Variants in ATXN3 observed in about 807,000 individuals in gnomAD.
ATXN3 encodes ataxin-3.
Under a neutral mutation model 58.2 loss-of-function variants are expected in ATXN3, and 28 were observed. The ratio of observed to expected loss-of-function variants is 0.48; its 90% CI spans 0.36 to 0.66. The LOEUF (loss-of-function observed/expected upper bound fraction) is 0.66. ATXN3 is among the 30% of genes least tolerant of loss of function. The probability of loss-of-function intolerance (pLI) is 0.00; values close to 1 mark genes in which losing one functional copy is unlikely to be tolerated. For missense variants in ATXN3, 321 were observed against 422.1 expected (o/e 0.76, Z 2.10); for synonymous variants, 113 against 138.5 (o/e 0.82, Z 1.29).
chr14:92,063,360 T>C lies in ATXN3; in HGVS notation c.*960A>G, dbSNP rs2057912240. 1 of 152,170 alleles carries C rather than the reference T, an allele frequency of 6.6e-6. No homozygotes were observed. Among genetic ancestry groups the C allele is most frequent in the African/African-American group, 2.4e-5 (1 of 41,440 alleles). 9.4% of individuals were successfully genotyped at this position (152,170 alleles called of 1,614,324 possible). The stretch of plus-strand genomic sequence containing the variant: ...AAATAAAATAAAACTGCTATTAAAA[T>C]TGAAGGCCAAATTTCATGTATCATA... On this transcript the variant is annotated 3_prime_UTR_variant, in exon 11 of 11. Coordinates refer to ENST00000644486, the MANE Select transcript of ATXN3 (RefSeq NM_004993.6).
At chr14:92,081,387 C>T (rs1211009537) in intron 8 of ATXN3, among the ~76,000 whole-genome samples, 4 of 146,426 alleles carry the variant, frequency 2.7e-5, no homozygotes, top group Non-Finnish European at 6.0e-5. Flanking sequence ...GCAGGAGAAT[C>T]GCTTGAACCT....
In ATXN3 at chr14:92,075,348, G is replaced by A. The variant is rs555401909; in HGVS notation, c.873-4295C>T. On this transcript the variant is annotated intron_variant, in intron 9 of 10. Coordinates refer to ENST00000644486, the MANE Select transcript of ATXN3 (RefSeq NM_004993.6). ...CTCGGCTAATTTTTTTGTATTTTTAGTAGAGAAGAGGTTTCGCCATGTTGG... is the reference window on the plus strand; with the variant it reads ...CTCGGCTAATTTTTTTGTATTTTTAATAGAGAAGAGGTTTCGCCATGTTGG... Among the ~76,000 whole-genome samples the A allele has an allele frequency of 6.6e-5, 10 of 152,132 alleles. No homozygotes were observed. In the South Asian group the frequency reaches 1.0e-3, roughly 16 times the overall value.
intron 1 of ATXN3, among the ~76,000 whole-genome samples, chr14:92,097,656 G>A (rs967842472): frequency 6.6e-6 from 1 of 151,710 alleles, no homozygotes; most frequent in Non-Finnish European, 1.5e-5. Flanking sequence ...CTACCAAGTA[G>A]CTGCGACTAC....
intron 5 of ATXN3, among the ~76,000 whole-genome samples, chr14:92,092,224 T>C (rs1301563254): frequency 2.6e-5 from 4 of 152,170 alleles, no homozygotes; most frequent in South Asian, 4.1e-4. Flanking sequence ...ATACAGCAGG[T>C]AGTATTTTGT....
rs1595436423 is a variant in ATXN3, at chr14:92,059,605, G to A, written c.*4715C>T. 2 of 152,252 alleles carry A rather than the reference G, an allele frequency of 1.3e-5. No homozygotes were observed. The highest frequency in any genetic ancestry group is 2.9e-5 in the Non-Finnish European group (2 of 68,074). 9.4% of individuals were successfully genotyped at this position (152,252 alleles called of 1,614,324 possible). On this transcript the variant is annotated 3_prime_UTR_variant, in exon 11 of 11. Coordinates refer to ENST00000644486, the MANE Select transcript of ATXN3 (RefSeq NM_004993.6). Reference sequence around the variant, plus strand: ...GGAGGCCAAGGCAGGCAGATCACCTGAGGTCAGGAGTTTGAGACCAGCCTA... The same window carrying A: ...GGAGGCCAAGGCAGGCAGATCACCTAAGGTCAGGAGTTTGAGACCAGCCTA...
chr14:92,070,225 T>C (rs924971425), intron 10 of ATXN3, among the ~76,000 whole-genome samples: 5 of 152,194 alleles, frequency 3.3e-5, no homozygotes, highest in African/African-American at 1.2e-4. Context: ...TTATTTAGAT[T>C]ATACTCAAGT....
intron 10 of ATXN3, chr14:92,070,649 T>G: frequency 1.3e-6 from 1 of 789,308 alleles, no homozygotes; most frequent in Non-Finnish European, 1.9e-6. Flanking sequence ...AAGTTTAAAT[T>G]ATTATGTTAA....
rs150738718 is a variant in ATXN3 at position 92,083,191 on chromosome 14, A to C, written c.543T>G (p.Ile181Met). 1 of 1,613,958 alleles carries C rather than the reference A, an allele frequency of 6.2e-7. No homozygotes were observed. The change falls in exon 7 of 11, where the codon ATT becomes ATG. Residue 181 changes from isoleucine (I) to methionine (M), a missense_variant. Transcript: ENST00000644486. ...DCEADQLLQM[I>M]RVQQMHRPKL... is the part of the protein sequence containing the mutation. ...TTGGTCGATGCATCTGTTGGACCCT[A>C]ATCATCTGCAGGAGTTGGTCAGCTT...
At chr14:92,094,090 A>C (rs1293347361) in intron 3 of ATXN3, among the ~76,000 whole-genome samples, 1 of 151,732 alleles carries the variant, frequency 6.6e-6, no homozygotes. Context: ...TTACAAGCAC[A>C]CGCCACCACA....
intron 5 of ATXN3, among the ~76,000 whole-genome samples, chr14:92,092,605 A>G (rs1170887496): frequency 6.6e-6 from 1 of 152,198 alleles, no homozygotes; most frequent in Admixed American, 6.5e-5. Context: ...TAACTGACAG[A>G]ACATAGTCAT....
rs1167895556 is a variant in ATXN3 at position 92,062,666 on chromosome 14, A to T, written c.*1654T>A. 1 of 152,376 alleles carries T rather than the reference A, an allele frequency of 6.6e-6. No homozygotes were observed. Among genetic ancestry groups the T allele is most frequent in the African/African-American group, 2.4e-5 (1 of 41,468 alleles). The allele number at this position is 152,376 out of a possible 1,614,324, so 9.4% of individuals were successfully genotyped here. A position where few individuals can be genotyped will look rare whatever the true frequency, so the allele number is the denominator to read the frequency against. On this transcript the variant is annotated 3_prime_UTR_variant, in exon 11 of 11. Coordinates refer to ENST00000644486, the MANE Select transcript of ATXN3 (RefSeq NM_004993.6). ...AAACTTTAGATTTTAAAATAAAGCTATCCTTTTGTGTAAGGGAAACTTCAG... is the reference window on the plus strand; with the variant it reads ...AAACTTTAGATTTTAAAATAAAGCTTTCCTTTTGTGTAAGGGAAACTTCAG...
intron 1 of ATXN3, among the ~76,000 whole-genome samples, chr14:92,097,921 C>G (rs1352183999): frequency 3.9e-5 from 6 of 152,158 alleles, no homozygotes; most frequent in African/African-American, 7.2e-5. Context: ...ATTTATTTTA[C>G]AAATCTACCA....
chr14:92,088,218 G>A (rs564203964), intron 6 of ATXN3, among the ~76,000 whole-genome samples: 15 of 152,100 alleles, frequency 9.9e-5, no homozygotes, highest in South Asian at 4.2e-4. Context: ...ACAGGCGTCC[G>A]CCACCACACC....
At chr14:92,064,542 A>G (rs999750333) in intron 10 of ATXN3, 128 bp from the exon 11 acceptor site, 11 of 668,376 alleles carry the variant, frequency 1.6e-5, no homozygotes, top group Non-Finnish European at 2.9e-5. Flanking sequence ...ATACATATAA[A>G]GCAAAATTTA....
At chr14:92,089,672 TTAAACTA>T (rs1346984632) in intron 5 of ATXN3, among the ~76,000 whole-genome samples, 4 of 152,150 alleles carry the variant, frequency 2.6e-5, no homozygotes, top group African/African-American at 7.2e-5. Flanking sequence ...ACAGTTTGCT[TTAAACTA>T]TAAACATTAA....
At chr14:92,053,880 A>G (rs1015887721), downstream of ATXN3, among the ~76,000 whole-genome samples, 1 of 152,060 alleles carries the variant, frequency 6.6e-6, no homozygotes, top group African/African-American at 2.4e-5. Context: ...CTAGCCATGG[A>G]AGCCATGTAC....
intron 6 of ATXN3, among the ~76,000 whole-genome samples, chr14:92,088,337 T>C (rs1370101045): frequency 6.6e-6 from 1 of 152,234 alleles, no homozygotes; most frequent in African/African-American, 2.4e-5. Flanking sequence ...CCCAAAGTGC[T>C]GGGATTACAG....
downstream of ATXN3, among the ~76,000 whole-genome samples, chr14:92,057,855 A>C (rs900485453): frequency 3.9e-5 from 6 of 151,926 alleles, no homozygotes; most frequent in Non-Finnish European, 8.8e-5. Context: ...CATTTATTTG[A>C]CTTTTTTAAG....
At chr14:92,083,860 G>A (rs544626652) in intron 6 of ATXN3, among the ~76,000 whole-genome samples, 1 of 152,318 alleles carries the variant, frequency 6.6e-6, no homozygotes, top group East Asian at 1.9e-4. Context: ...CTAATCAGCT[G>A]CCAGCTCAGC....
Sources: gnomAD v4.1 joint callset for allele counts (sites outside exome capture counted in the v4.1 genomes callset) on GRCh38, gnomAD v4.1.1 for gene constraint, MANE v1.5 for transcripts, NCBI Gene and HGNC (gene_info 2026-07-23, HGNC 2026-07-21) for gene names.